The following ADAMTSL3 variants were observed in gnomAD, a reference collection of about 807,000 sequenced individuals.
The protein encoded by ADAMTSL3 is ADAMTS like 3, also known as ADAMTS-like protein 3.
ADAMTSL3 carries 128 observed loss-of-function variants against 201.7 expected under a neutral mutation model. The observed-to-expected ratio is 0.63, with a 90% CI of 0.55 to 0.73. The LOEUF (loss-of-function observed/expected upper bound fraction) is 0.73. Ranked by LOEUF, ADAMTSL3 falls within the 30% of genes least tolerant of loss-of-function variation. The pLI is 0.00. For synonymous variants in ADAMTSL3, 738 were observed against 748.4 expected (o/e 0.99, Z 0.23); for missense variants, 1,990 against 2,119.6 (o/e 0.94, Z 1.20).
At chr15:83,864,665 T>C (rs542040672) in intron 8 of ADAMTSL3, among the ~76,000 whole-genome samples, 3,899 of 152,284 alleles carry the variant, frequency 0.026, 151 homozygotes, top group African/African-American at 0.087. Context: ...TCATACTGAA[T>C]GGGCAAAAAC....
intron 7 of ADAMTSL3, among the ~76,000 whole-genome samples, chr15:83,853,210 A>G (rs1208045488): frequency 2.6e-5 from 4 of 152,094 alleles, no homozygotes; most frequent in Non-Finnish European, 5.9e-5. Flanking sequence ...TTCTCTAGCC[A>G]TTGCAAATGG....
intron 3 of ADAMTSL3, among the ~76,000 whole-genome samples, chr15:83,748,649 C>CAAAAAAAAAAAAAAAAAAAAAA (rs71156097): frequency 1.4e-5 from 1 of 70,512 alleles, no homozygotes; most frequent in Non-Finnish European, 2.6e-5. Flanking sequence ...GACCCTGTCT[C>CAAAAAAAAAAAAAAAAAAAAAA]AAAAAAAAAA....
intron 3 of ADAMTSL3, among the ~76,000 whole-genome samples, chr15:83,742,066 C>G (rs1002228615): frequency 6.6e-6 from 1 of 151,618 alleles, no homozygotes; most frequent in South Asian, 2.1e-4. Context: ...TGGGAAAGTT[C>G]GAAAAAAATT....
At chr15:83,748,145 T>C (rs572766692) in intron 3 of ADAMTSL3, among the ~76,000 whole-genome samples, 1 of 152,294 alleles carries the variant, frequency 6.6e-6, no homozygotes, top group East Asian at 1.9e-4. Context: ...AAAAGTACAC[T>C]GCTCCTTTCT....
chr15:83,959,120 A>G (rs2066910563), intron 19 of ADAMTSL3, among the ~76,000 whole-genome samples: 1 of 152,228 alleles, frequency 6.6e-6, no homozygotes, highest in South Asian at 2.1e-4. Flanking sequence ...ACTGACCCAG[A>G]ATGGTCAATA....
intron 7 of ADAMTSL3, among the ~76,000 whole-genome samples, chr15:83,855,030 G>C (rs2064702063): frequency 6.6e-6 from 1 of 152,156 alleles, no homozygotes; most frequent in African/African-American, 2.4e-5. Context: ...TGGACTTTGT[G>C]TGTGTGTGTG....
chr15:83,685,400 A>G lies in ADAMTSL3; in HGVS notation c.70-18989A>G, dbSNP rs376090913. 2.2e-4 allele frequency among the ~76,000 whole-genome samples: 34 copies of G among 152,294 alleles called. No homozygotes were observed. In the East Asian group the frequency reaches 4.4e-3, roughly 20 times the overall value. On this transcript the variant is annotated intron_variant, in intron 2 of 29. Coordinates refer to ENST00000286744, the MANE Select transcript of ADAMTSL3 (RefSeq NM_207517.3). The stretch of plus-strand genomic sequence containing the variant: ...TCTCTTTTGTTCAGTGATGTATCCT[A>G]GGTGCCTGGGGCAGTGTGTGACAAC...
intron 17 of ADAMTSL3, among the ~76,000 whole-genome samples, chr15:83,924,792 T>C (rs558974526): frequency 6.6e-6 from 1 of 152,294 alleles, no homozygotes; most frequent in African/African-American, 2.4e-5. Flanking sequence ...TTCTCTCTCC[T>C]TTACCCTTAT....
At chr15:84,010,298 C>T (rs1420865114) in intron 23 of ADAMTSL3, among the ~76,000 whole-genome samples, 1 of 152,142 alleles carries the variant, frequency 6.6e-6, no homozygotes, top group African/African-American at 2.4e-5. Flanking sequence ...GCTAGTATAG[C>T]CCTTCTCTAA....
At chr15:83,896,364 A>G (rs910522300) in intron 13 of ADAMTSL3, among the ~76,000 whole-genome samples, 1 of 152,224 alleles carries the variant, frequency 6.6e-6, no homozygotes, top group African/African-American at 2.4e-5. Context: ...CAAGAATATA[A>G]AACACAAATA....
chr15:83,659,131 C>T lies in ADAMTSL3; in HGVS notation c.69+3301C>T, dbSNP rs191879421. On this transcript the variant is annotated intron_variant, in intron 2 of 29. Coordinates refer to ENST00000286744, the MANE Select transcript of ADAMTSL3 (RefSeq NM_207517.3). ...TTCTGTCCTCTCCCATTTCCTGTGA[C>T]TCTGGATGGAATAGCCTTTTCAGAA... Among the ~76,000 whole-genome samples, 353 of 152,298 alleles carry T rather than the reference C, an allele frequency of 2.3e-3. 4 individuals are homozygous for T. The highest frequency in any genetic ancestry group is 0.019 in the Admixed American group (288 of 15,292).
chr15:84,039,163 G>T lies in ADAMTSL3; in HGVS notation c.*1357G>T, dbSNP rs2068561589. 1 of 152,518 alleles carries T rather than the reference G, an allele frequency of 6.6e-6. No homozygotes were observed. Among genetic ancestry groups the T allele is most frequent in the Non-Finnish European group, 1.5e-5 (1 of 68,060 alleles). 9.4% of individuals were successfully genotyped at this position (152,518 alleles called of 1,614,324 possible). A position where few individuals can be genotyped will look rare whatever the true frequency, so the allele number is the denominator to read the frequency against. On this transcript the variant is annotated 3_prime_UTR_variant, in exon 30 of 30. Coordinates refer to ENST00000286744, the MANE Select transcript of ADAMTSL3 (RefSeq NM_207517.3). ...GATGGCACACAAGTCCAAATAAGTG[G>T]TCATACTTCTTTATTCAGGGTCTCA...
chr15:83,836,871 C>A (rs2064280795), intron 6 of ADAMTSL3, among the ~76,000 whole-genome samples: 1 of 152,094 alleles, frequency 6.6e-6, no homozygotes, highest in African/African-American at 2.4e-5. Flanking sequence ...TGTTTTCTTC[C>A]TCCAAAGTCC....
intron 6 of ADAMTSL3, among the ~76,000 whole-genome samples, chr15:83,834,077 A>G (rs542392306): frequency 2.0e-5 from 3 of 152,330 alleles, no homozygotes; most frequent in Admixed American, 1.3e-4. Context: ...GCTTAAAACA[A>G]TTAAAGGTTA....
chr15:83,879,894 G>T (rs967873130), intron 9 of ADAMTSL3, among the ~76,000 whole-genome samples: 2 of 152,112 alleles, frequency 1.3e-5, no homozygotes, highest in African/African-American at 4.8e-5. Context: ...TAGAATCATT[G>T]CATCTTCCTA....
At chr15:84,024,246 A>T (rs1262729562) in intron 26 of ADAMTSL3, among the ~76,000 whole-genome samples, 1 of 152,084 alleles carries the variant, frequency 6.6e-6, no homozygotes, top group Admixed American at 6.5e-5. Context: ...ACAGAATGAG[A>T]CTCCGTCTCA....
At chr15:83,936,310 A>C (rs2066459781) in intron 17 of ADAMTSL3, among the ~76,000 whole-genome samples, 1 of 150,938 alleles carries the variant, frequency 6.6e-6, no homozygotes, top group Admixed American at 6.6e-5. Flanking sequence ...GTAAACCTAA[A>C]AATAAAATAT....
intron 4 of ADAMTSL3, among the ~76,000 whole-genome samples, chr15:83,797,013 CA>C (rs1289939420): frequency 2.6e-5 from 4 of 151,900 alleles, no homozygotes; most frequent in Non-Finnish European, 5.9e-5. Context: ...AACTAAGATA[CA>C]AAAAGTTTGA....
chr15:83,979,444 A>G (rs994791445), intron 20 of ADAMTSL3, among the ~76,000 whole-genome samples: 1 of 152,210 alleles, frequency 6.6e-6, no homozygotes, highest in African/African-American at 2.4e-5. Context: ...ACAATAGGCT[A>G]CTTCTAAGTA....
Sources: gnomAD v4.1 joint callset for allele counts (sites outside exome capture counted in the v4.1 genomes callset) on GRCh38, gnomAD v4.1.1 for gene constraint, MANE v1.5 for transcripts, NCBI Gene and HGNC (gene_info 2026-07-23, HGNC 2026-07-21) for gene names.